Variants in LSAMP observed in about 807,000 individuals in gnomAD.
The protein encoded by LSAMP is limbic system associated membrane protein.
In LSAMP, 7 loss-of-function variants were observed where a neutral mutation model predicts 38.6. That is an observed-to-expected ratio of 0.18 (90% CI 0.10 to 0.34). The LOEUF is 0.34. LSAMP is among the 10% of genes least tolerant of loss of function. The pLI is 1.00. For missense variants in LSAMP, 313 were observed against 420.0 expected (o/e 0.75, Z 2.23); for synonymous variants, 154 against 166.8 (o/e 0.92, Z 0.59).
Position 116,117,359 on chromosome 3 carries a change from A to G in LSAMP, c.156-30803T>C, listed in dbSNP as rs560913686. Reference sequence around the variant, plus strand: ...TTTTTAAAATAAACTATTTTAGAACAGTTTTAGATTTACTGAAAAACTACT... The same window carrying G: ...TTTTTAAAATAAACTATTTTAGAACGGTTTTAGATTTACTGAAAAACTACT... On this transcript the variant is annotated intron_variant, in intron 1 of 6. Coordinates refer to ENST00000490035, the MANE Select transcript of LSAMP (RefSeq NM_002338.5). Among the ~76,000 whole-genome samples, 34 of 152,230 alleles carry G rather than the reference A, an allele frequency of 2.2e-4. No homozygotes were observed. The South Asian group carries it at 3.9e-3, about 18-fold the overall frequency.
chr3:116,383,166 T>C (rs2048583722), intron 1 of LSAMP, among the ~76,000 whole-genome samples: 1 of 152,110 alleles, frequency 6.6e-6, no homozygotes, highest in Non-Finnish European at 1.5e-5. Flanking sequence ...AAAACTACTC[T>C]AGGAGAAAGT....
chr3:116,269,314 T>C (rs2046938665), intron 1 of LSAMP, among the ~76,000 whole-genome samples: 3 of 152,146 alleles, frequency 2.0e-5, no homozygotes, highest in Non-Finnish European at 4.4e-5. Context: ...ATCTCTCTTA[T>C]TAAATGTTAA....
intron 3 of LSAMP, among the ~76,000 whole-genome samples, chr3:115,865,431 C>A (rs960502764): frequency 2.0e-5 from 3 of 152,096 alleles, no homozygotes; most frequent in Non-Finnish European, 4.4e-5. Context: ...ATGTCTTTTT[C>A]AACTCTTGCT....
At chr3:115,852,739 G>T (rs1024889826) in intron 3 of LSAMP, 122 bp from the exon 4 acceptor site, 3 of 983,094 alleles carry the variant, frequency 3.1e-6, no homozygotes, top group African/African-American at 1.7e-5. Context: ...AATGTACTTT[G>T]TCTGACATCA....
chr3:116,068,695 T>C (rs1707521828), intron 2 of LSAMP, among the ~76,000 whole-genome samples: 1 of 152,208 alleles, frequency 6.6e-6, no homozygotes, highest in Non-Finnish European at 1.5e-5. Flanking sequence ...AAGATTTTCA[T>C]CAACTATCTC....
At chr3:116,430,849 T>C (rs1474488928) in intron 1 of LSAMP, among the ~76,000 whole-genome samples, 1 of 152,094 alleles carries the variant, frequency 6.6e-6, no homozygotes, top group Non-Finnish European at 1.5e-5. Flanking sequence ...TTTATGTCAT[T>C]CAACTAGATT....
chr3:116,413,697 A>G (rs2049010206), intron 1 of LSAMP, among the ~76,000 whole-genome samples: 1 of 152,070 alleles, frequency 6.6e-6, no homozygotes, highest in Non-Finnish European at 1.5e-5. Context: ...ATCAAAGGGT[A>G]TGGGTACAAA....
At chr3:116,271,724 T>G (rs2046976096) in intron 1 of LSAMP, among the ~76,000 whole-genome samples, 1 of 152,020 alleles carries the variant, frequency 6.6e-6, no homozygotes, top group Non-Finnish European at 1.5e-5. Flanking sequence ...AGGCATAAAA[T>G]GCAACGTGCT....
chr3:115,912,316 A>G (rs1455839019), intron 3 of LSAMP, among the ~76,000 whole-genome samples: 1 of 152,192 alleles, frequency 6.6e-6, no homozygotes, highest in Non-Finnish European at 1.5e-5. Context: ...GTTAATTTTT[A>G]TACCAGGTGT....
chr3:116,163,437 G>A (rs1013861810), intron 1 of LSAMP, among the ~76,000 whole-genome samples: 52 of 151,492 alleles, frequency 3.4e-4, no homozygotes, highest in African/African-American at 1.3e-3. Context: ...AGTATTCCAT[G>A]GTGTATATGT....
intron 1 of LSAMP, among the ~76,000 whole-genome samples, chr3:116,090,433 G>A (rs976339731): frequency 2.0e-4 from 30 of 152,264 alleles, no homozygotes; most frequent in African/African-American, 7.2e-4. Flanking sequence ...GCATCTCTGA[G>A]GTCTGCTGGC....
intron 3 of LSAMP, among the ~76,000 whole-genome samples, chr3:115,939,587 T>TCTTTCTCTTTC (rs1553751094): frequency 2.0e-5 from 3 of 151,350 alleles, no homozygotes; most frequent in Admixed American, 6.6e-5. Context: ...TTTCTTTCTG[T>TCTTTCTCTTTC]TAAGAGACAG....
In LSAMP at chr3:115,951,514, T is replaced by TTTGCATCTGTGA. The variant is rs2107578232; in HGVS notation, c.514+68000_514+68001insTCACAGATGCAA. ...ATTGAAGGATGCAAAGTATTGATCC[T>TTTGCATCTGTGA]GGTGTGTCTGTGAGGGTGCTGCCAA... On this transcript the variant is annotated intron_variant, in intron 3 of 6. Coordinates refer to ENST00000490035, the MANE Select transcript of LSAMP (RefSeq NM_002338.5). 2.0e-5 allele frequency among the ~76,000 whole-genome samples: 3 copies of TTTGCATCTGTGA among 152,308 alleles called. 1 individual carries two copies. In the South Asian group the frequency reaches 6.2e-4, roughly 32 times the overall value.
chr3:116,261,640 C>T (rs1438641799), intron 1 of LSAMP, among the ~76,000 whole-genome samples: 1 of 152,062 alleles, frequency 6.6e-6, no homozygotes. Flanking sequence ...GAAATTAGCA[C>T]AGTGTCCTGC....
intron 1 of LSAMP, among the ~76,000 whole-genome samples, chr3:116,121,779 C>T (rs1051554902): frequency 6.6e-6 from 1 of 152,154 alleles, no homozygotes; most frequent in African/African-American, 2.4e-5. Context: ...CTAGAGCAAG[C>T]TTGTCCAACC....
chr3:116,197,791 C>T (rs1039253863), intron 1 of LSAMP, among the ~76,000 whole-genome samples: 7 of 152,038 alleles, frequency 4.6e-5, no homozygotes, highest in Non-Finnish European at 8.8e-5. Flanking sequence ...GTATGAGATC[C>T]GATCCTTGCT....
intron 1 of LSAMP, among the ~76,000 whole-genome samples, chr3:116,218,486 A>G (rs2046246344): frequency 6.6e-6 from 1 of 152,066 alleles, no homozygotes; most frequent in Non-Finnish European, 1.5e-5. Context: ...CCCTCCCACA[A>G]CCTGTCAACA....
intron 1 of LSAMP, among the ~76,000 whole-genome samples, chr3:116,099,712 C>T (rs1286579107): frequency 1.3e-5 from 2 of 152,198 alleles, no homozygotes; most frequent in South Asian, 2.1e-4. Flanking sequence ...CGCCAGTCAC[C>T]ACCCAGTTTT....
intron 2 of LSAMP, among the ~76,000 whole-genome samples, chr3:116,057,390 G>T (rs1240916312): frequency 6.6e-6 from 1 of 152,178 alleles, no homozygotes; most frequent in African/African-American, 2.4e-5. Context: ...TTTCTTCAAA[G>T]AATTGTAGTC....
Sources: allele counts gnomAD v4.1 joint callset (sites outside exome capture counted in the v4.1 genomes callset), GRCh38; gene constraint gnomAD v4.1.1; transcripts MANE v1.5; gene names NCBI Gene and HGNC (gene_info 2026-07-23, HGNC 2026-07-21).